The following PRRT1B variants were observed in gnomAD, a reference collection of about 807,000 sequenced individuals.
The protein encoded by PRRT1B is proline rich transmembrane protein 1B, also known as dispanin subfamily D member 2.
In PRRT1B at chr9:131,546,593, C is replaced by T. The variant is rs1049094046; in HGVS notation, c.25+953C>T. Among the ~76,000 whole-genome samples, 9 of 152,026 alleles carry T rather than the reference C, an allele frequency of 5.9e-5. 1 individual carries two copies. Among genetic ancestry groups the T allele is most frequent in the African/African-American group, 1.9e-4 (8 of 41,388 alleles). ...CACCAGTCCCATCTGCAAGCAGCTC[C>T]GGGAGATGCTGGAGCGCTGGCCCCT... On this transcript the variant is annotated intron_variant, in intron 1 of 3. Transcript: ENST00000636672.
intron 1 of PRRT1B, among the ~76,000 whole-genome samples, chr9:131,549,581 G>C (rs1414791178): frequency 6.6e-6 from 1 of 152,192 alleles, no homozygotes; most frequent in Non-Finnish European, 1.5e-5. Flanking sequence ...GATCGCCTCA[G>C]AAGCCCCCTA....
exon 2 of PRRT1B, chr9:131,555,010 C>T: frequency 2.5e-6 from 1 of 393,036 alleles, no homozygotes; most frequent in East Asian, 3.6e-5. Flanking sequence ...CCCGCCGGGG[C>T]CGCCTTCCCC....
At chr9:131,548,346 C>T (rs1950989005) in intron 1 of PRRT1B, among the ~76,000 whole-genome samples, 1 of 152,110 alleles carries the variant, frequency 6.6e-6, no homozygotes, top group Non-Finnish European at 1.5e-5. Flanking sequence ...TCTCCCTTAG[C>T]CTGTGTTCTC....
At chr9:131,546,371 T>G (rs1950974631) in intron 1 of PRRT1B, among the ~76,000 whole-genome samples, 1 of 151,902 alleles carries the variant, frequency 6.6e-6, no homozygotes, top group African/African-American at 2.4e-5. Context: ...TGCGACCAAC[T>G]CGACGTCGCC....
exon 2 of PRRT1B, chr9:131,554,630 C>A: frequency 2.5e-6 from 1 of 394,938 alleles, no homozygotes. Context: ...CCGCCGCCCC[C>A]GAGGATCCCC....
At chr9:131,550,939 C>CTTTTTTTTTTT (rs546049217) in intron 1 of PRRT1B, among the ~76,000 whole-genome samples, 2 of 75,994 alleles carry the variant, frequency 2.6e-5, no homozygotes, top group African/African-American at 1.0e-4. Flanking sequence ...TTTTCTTTTT[C>CTTTTTTTTTTT]TTTTTTTTTT....
exon 4 of PRRT1B, chr9:131,558,143 G>A (rs138569778): frequency 3.5e-5 from 14 of 401,018 alleles, no homozygotes; most frequent in Middle Eastern, 3.1e-4. Flanking sequence ...CCTGCTCTTC[G>A]GGGTCTTCGT....
chr9:131,556,057 T>C lies in PRRT1B; in HGVS notation c.499-13T>C. On this transcript the variant is annotated splice_polypyrimidine_tract_variant and intron_variant, in intron 2 of 3. Transcript: ENST00000636672. ...GGGCCAGCTCCCTCACCACTGTGGC[T>C]CTGCCCCCACAGTACAATGGCCCGA... 5.0e-6 allele frequency: 2 copies of C among 400,892 alleles called. No individual in the cohort carries two copies. Among genetic ancestry groups the C allele is most frequent in the Non-Finnish European group, 4.4e-6 (1 of 226,410 alleles). 24.8% of individuals were successfully genotyped at this position (400,892 alleles called of 1,614,324 possible). A position where few individuals can be genotyped will look rare whatever the true frequency, so the allele number is the denominator to read the frequency against.
intron 3 of PRRT1B, among the ~76,000 whole-genome samples, chr9:131,556,431 C>T (rs895253314): frequency 6.6e-6 from 1 of 152,174 alleles, no homozygotes; most frequent in Non-Finnish European, 1.5e-5. Flanking sequence ...AATGTTTGGC[C>T]AAAACAATTC....
chr9:131,556,033 G>T (rs1468522855), intron 2 of PRRT1B, 37 bp from the exon 3 acceptor site: 6 of 400,206 alleles, frequency 1.5e-5, no homozygotes, highest in Non-Finnish European at 8.8e-6. Context: ...CCAGAGGCTG[G>T]GCCAGCTCCC....
rs534975556 is a variant in PRRT1B at position 131,558,113 on chromosome 9, C to T, written c.703C>T (p.Arg235Cys). ...GGCTGAGGAGGCCTCGCGGAAGGCC[C>T]GCTCGCTGGTGCTCTTCAGCCTGCT... The change falls in exon 4 of 4, where the codon CGC becomes TGC. Residue 235 changes from arginine to cysteine, a missense_variant. Coordinates refer to ENST00000636672, the Ensembl canonical transcript of PRRT1B. The T allele has an allele frequency of 5.0e-4, 202 of 400,970 alleles. No individual in the cohort carries two copies. In the South Asian group the frequency reaches 0.011, roughly 22 times the overall value. The allele number at this position is 400,970 out of a possible 1,614,324, so 24.8% of individuals were successfully genotyped here.
intron 1 of PRRT1B, among the ~76,000 whole-genome samples, chr9:131,548,940 G>A (rs974916140): frequency 1.3e-4 from 20 of 152,082 alleles, no homozygotes; most frequent in African/African-American, 2.7e-4. Context: ...TTCTTTATCC[G>A]ACCTCTCCCA....
At position 131,554,864 on chromosome 9, in the gene PRRT1B, C is replaced by T. The variant is rs1951037555; in HGVS notation, c.333C>T (p.Asp111=). Reference sequence around the variant, plus strand: ...AGCCCCCGCCCTACGCGCCGCCGGACCCCAAGGCCGCGCCGCTGCTGTACC... The same window carrying T: ...AGCCCCCGCCCTACGCGCCGCCGGATCCCAAGGCCGCGCCGCTGCTGTACC... The change falls in exon 2 of 4, where the codon GAC becomes GAT. Residue 111 remains aspartate, a synonymous_variant. Transcript: ENST00000636672. The T allele has an allele frequency of 7.9e-6, 3 of 377,858 alleles. No homozygotes were observed. In the East Asian group the frequency reaches 1.1e-4, roughly 14 times the overall value. The allele number at this position is 377,858 out of a possible 1,614,324, so 23.4% of individuals were successfully genotyped here.
chr9:131,556,339 G>A (rs1013477773), intron 3 of PRRT1B, 126 bp downstream of exon 3: 3 of 397,024 alleles, frequency 7.6e-6, no homozygotes, highest in Admixed American at 4.4e-5. Context: ...AGGGGGGTGG[G>A]AATTGGGAAG....
At position 131,558,046 on chromosome 9, in the gene PRRT1B, G is replaced by C. The variant is rs1314868862; in HGVS notation, c.643-7G>C. The C allele has an allele frequency of 5.0e-6, 2 of 399,272 alleles. No homozygotes were observed. Among genetic ancestry groups the C allele is most frequent in the Admixed American group, 8.8e-5 (2 of 22,728 alleles). The allele number at this position is 399,272 out of a possible 1,614,324, so 24.7% of individuals were successfully genotyped here. On this transcript the variant is annotated splice_polypyrimidine_tract_variant and splice_region_variant and intron_variant, in intron 3 of 3. Transcript: ENST00000636672. ...CCACCGCCCCCTCCTGCCCTGTCTC[G>C]TTGCAGGCCCGTGCAGCACTGGGCA... is the stretch of plus-strand genomic sequence containing the variant.
intron 1 of PRRT1B, among the ~76,000 whole-genome samples, chr9:131,550,264 T>C (rs1951001906): frequency 6.6e-6 from 1 of 152,164 alleles, no homozygotes; most frequent in South Asian, 2.1e-4. Context: ...CAAACCCATA[T>C]ACTCTCCTAT....
chr9:131,550,827 A>G (rs1257105856), intron 1 of PRRT1B, among the ~76,000 whole-genome samples: 2 of 150,828 alleles, frequency 1.3e-5, no homozygotes, highest in Non-Finnish European at 2.9e-5. Flanking sequence ...CTCCTTGGGC[A>G]CTCAATTCTG....
intron 1 of PRRT1B, 72 bp from the exon 2 acceptor site, chr9:131,554,485 G>C (rs771026304): frequency 3.5e-4 from 130 of 369,334 alleles, no homozygotes; most frequent in East Asian, 5.4e-4. Flanking sequence ...TGGTTCGTGG[G>C]AACTGCGGGA....
chr9:131,557,928 C>G (rs1951060864), intron 3 of PRRT1B, 125 bp from the exon 4 acceptor site: 1 of 397,290 alleles, frequency 2.5e-6, no homozygotes, highest in African/African-American at 2.1e-5. Flanking sequence ...CCTGGCAGGT[C>G]CCTGACCTTT....
Sources: gnomAD v4.1 joint callset for allele counts (sites outside exome capture counted in the v4.1 genomes callset) on GRCh38, gnomAD v4.1.1 for gene constraint, MANE v1.5 for transcripts, NCBI Gene and HGNC (gene_info 2026-07-23, HGNC 2026-07-21) for gene names.